The following UIMC1 variants were observed in gnomAD, a reference collection of about 807,000 sequenced individuals.
The protein encoded by UIMC1 is ubiquitin interaction motif containing 1.
UIMC1 carries 42 observed loss-of-function variants against 84.9 expected under a neutral mutation model. The observed-to-expected ratio is 0.49, with a 90% CI of 0.39 to 0.64. The LOEUF (loss-of-function observed/expected upper bound fraction) is 0.64, where lower values mean the gene tolerates loss of function less well. UIMC1 is among the 30% of genes least tolerant of loss of function. UIMC1 has a pLI of 0.00. For synonymous variants in UIMC1, 281 were observed against 293.0 expected, an observed-to-expected ratio of 0.96 and a Z score of 0.42; for missense variants, 825 against 847.6, an observed-to-expected ratio of 0.97 and a Z score of 0.33.
intron 2 of UIMC1, among the ~76,000 whole-genome samples, chr5:176,979,586 A>G (rs1770697460): frequency 6.6e-6 from 1 of 151,942 alleles, no homozygotes; most frequent in Non-Finnish European, 1.5e-5. Context: ...CTAGGCAACA[A>G]AGCGAGACTT....
intron 1 of UIMC1, among the ~76,000 whole-genome samples, chr5:177,013,029 T>C (rs1195269059): frequency 6.6e-6 from 1 of 151,396 alleles, no homozygotes; most frequent in African/African-American, 2.4e-5. Context: ...TGCAATGAGC[T>C]ATGATCTTAC....
chr5:176,957,286 G>A (rs945256157), intron 7 of UIMC1, among the ~76,000 whole-genome samples: 49 of 152,028 alleles, frequency 3.2e-4, no homozygotes, highest in Admixed American at 2.9e-3. Context: ...ATGGCAAGTG[G>A]GCTTCAACTC....
intron 1 of UIMC1, among the ~76,000 whole-genome samples, chr5:176,992,601 A>T (rs1336358567): frequency 6.6e-6 from 1 of 152,016 alleles, no homozygotes; most frequent in Non-Finnish European, 1.5e-5. Context: ...ACAGAATGAC[A>T]ATCTGGGCAA....
chr5:176,906,184 T>C (rs1239387588), intron 13 of UIMC1, 137 bp from the exon 14 acceptor site: 2 of 744,346 alleles, frequency 2.7e-6, no homozygotes, highest in Non-Finnish European at 4.4e-6. Context: ...CCCAATCCCC[T>C]AAACCCACAG....
intron 8 of UIMC1, among the ~76,000 whole-genome samples, chr5:176,954,554 C>T (rs779302226): frequency 6.6e-6 from 1 of 151,786 alleles, no homozygotes; most frequent in Non-Finnish European, 1.5e-5. Context: ...GGGAAACACA[C>T]CAAGACCTCG....
intron 1 of UIMC1, among the ~76,000 whole-genome samples, chr5:176,988,787 A>G (rs1344869820): frequency 6.6e-6 from 1 of 150,412 alleles, no homozygotes; most frequent in African/African-American, 2.5e-5. Context: ...GGGTTCAAGC[A>G]ATTCTCCTGC....
chr5:176,953,495 T>TGCACACAC (rs1554120133), intron 8 of UIMC1, among the ~76,000 whole-genome samples: 1 of 136,886 alleles, frequency 7.3e-6, no homozygotes, highest in East Asian at 2.1e-4. Flanking sequence ...ACTGGACACA[T>TGCACACAC]ACACACACAC....
At chr5:176,938,956 A>G (rs564856305) in intron 10 of UIMC1, among the ~76,000 whole-genome samples, 1 of 152,258 alleles carries the variant, frequency 6.6e-6, no homozygotes, top group East Asian at 1.9e-4. Context: ...CCATTTAAAA[A>G]AAAAAAAAGT....
At chr5:176,917,242 A>AC (rs1490512157) in intron 10 of UIMC1, among the ~76,000 whole-genome samples, 1 of 152,168 alleles carries the variant, frequency 6.6e-6, no homozygotes, top group Non-Finnish European at 1.5e-5. Context: ...ACAACCAACG[A>AC]CCTCAGAGAC....
At chr5:176,985,495 T>G (rs1415814920) in intron 1 of UIMC1, among the ~76,000 whole-genome samples, 3 of 151,744 alleles carry the variant, frequency 2.0e-5, no homozygotes, top group Non-Finnish European at 4.4e-5. Flanking sequence ...TATACAAATC[T>G]CATTCTCCAT....
chr5:176,945,384 A>G (rs995312741), intron 9 of UIMC1, among the ~76,000 whole-genome samples: 2 of 152,214 alleles, frequency 1.3e-5, no homozygotes, highest in Non-Finnish European at 2.9e-5. Context: ...CAAGGCATGT[A>G]GGGAGACTCC....
intron 1 of UIMC1, among the ~76,000 whole-genome samples, chr5:177,019,619 C>T (rs1007890368): frequency 1.4e-5 from 2 of 139,250 alleles, no homozygotes; most frequent in African/African-American, 5.6e-5. Flanking sequence ...TAGTGAGACC[C>T]TGTCTCGGAA....
chr5:176,971,308 G>C (rs1769162157), intron 3 of UIMC1, among the ~76,000 whole-genome samples: 1 of 152,160 alleles, frequency 6.6e-6, no homozygotes, highest in Non-Finnish European at 1.5e-5. Context: ...CAGTAGAAAA[G>C]AACATCCCTA....
Position 176,968,691 on chromosome 5 carries a change from T to C in UIMC1, c.1064A>G (p.Asp355Gly). ...KNECISEDMG[D>G]EDKEERQESR... is the part of the protein sequence containing the mutation. ...CTCCTGCCTCTCCTCTTTGTCTTCA[T>C]CTCCCATATCTTCTGAGATGCATTC... The change falls in exon 6 of 15, where the codon GAT (aspartate) becomes GGT (glycine). Residue 355 changes from aspartate (D) to glycine (G), a missense_variant. Physicochemically the swap from Asp to Gly is moderately conservative, Grantham distance 94. Coordinates refer to ENST00000511320, the MANE Select transcript of UIMC1 (RefSeq NM_001199298.2). 6.2e-7 allele frequency: 1 copy of C among 1,614,162 alleles called. No homozygotes were observed.
intron 10 of UIMC1, among the ~76,000 whole-genome samples, chr5:176,927,085 G>C (rs1287303282): frequency 6.6e-6 from 1 of 152,034 alleles, no homozygotes; most frequent in Admixed American, 6.6e-5. Flanking sequence ...GTAGTGGTCA[G>C]GTATGGTTGG....
chr5:176,996,810 GC>G (rs1343999983), intron 1 of UIMC1, among the ~76,000 whole-genome samples: 3 of 152,152 alleles, frequency 2.0e-5, no homozygotes, highest in Non-Finnish European at 4.4e-5. Flanking sequence ...AATCTTAGTG[GC>G]CAATTGCCTG....
Position 177,001,751 on chromosome 5 carries a change from A to G in UIMC1, c.-9+4899T>C, listed in dbSNP as rs527409459. Among the ~76,000 whole-genome samples the G allele has an allele frequency of 5.7e-4, 86 of 151,222 alleles. 1 individual carries two copies. Among genetic ancestry groups the G allele is most frequent in the African/African-American group, 2.0e-3 (82 of 41,202 alleles). The stretch of plus-strand genomic sequence containing the variant: ...TCAGGAGATCGAGACCATCCTGGCT[A>G]ACACAGTGAAAACCCGGCTCTACTA... On this transcript the variant is annotated intron_variant, in intron 1 of 14. Transcript: ENST00000511320.
intron 1 of UIMC1, chr5:177,022,384 G>A: frequency 4.2e-6 from 1 of 237,368 alleles, no homozygotes; most frequent in Non-Finnish European, 8.1e-6. Context: ...CTGGGCCTCA[G>A]TTTCCCTGTG....
intron 1 of UIMC1, among the ~76,000 whole-genome samples, chr5:176,982,919 A>C (rs1396843645): frequency 1.3e-5 from 2 of 151,860 alleles, no homozygotes; most frequent in Non-Finnish European, 2.9e-5. Flanking sequence ...GGCTGGTCTC[A>C]AACTCCTCAC....
Sources: allele counts gnomAD v4.1 joint callset (sites outside exome capture counted in the v4.1 genomes callset), GRCh38; gene constraint gnomAD v4.1.1; transcripts MANE v1.5; gene names NCBI Gene and HGNC (gene_info 2026-07-23, HGNC 2026-07-21).